The following ELOVL2 variants were observed in gnomAD, a reference collection of about 807,000 sequenced individuals.
The protein encoded by ELOVL2 is very long chain fatty acid elongase 2.
In ELOVL2, 38 loss-of-function variants were observed where a neutral mutation model predicts 37.7. The ratio of observed to expected loss-of-function variants is 1.01; its 90% CI spans 0.78 to 1.32. The LOEUF is 1.32. Among genes scored for constraint, ELOVL2 ranks in the 40% most tolerant of loss-of-function variants. The probability of loss-of-function intolerance (pLI) is 0.00; values close to 1 mark genes in which losing one functional copy is unlikely to be tolerated. For missense variants in ELOVL2, 352 were observed against 363.6 expected (o/e 0.97, Z 0.26); for synonymous variants, 115 against 122.3 (o/e 0.94, Z 0.40).
intron 1 of ELOVL2, among the ~76,000 whole-genome samples, chr6:11,018,424 A>G (rs1437227597): frequency 6.6e-6 from 1 of 152,194 alleles, no homozygotes; most frequent in Admixed American, 6.5e-5. Flanking sequence ...TTTCTTTACC[A>G]AACTATTGCA....
At chr6:11,011,833 CAG>C (rs1190451471) in intron 1 of ELOVL2, among the ~76,000 whole-genome samples, 11 of 152,134 alleles carry the variant, frequency 7.2e-5, no homozygotes. Context: ...AGCTCCGCCA[CAG>C]AGGTCTACAG....
At chr6:11,027,781 G>T (rs1475302071) in intron 1 of ELOVL2, among the ~76,000 whole-genome samples, 3 of 151,990 alleles carry the variant, frequency 2.0e-5, no homozygotes, top group Admixed American at 6.6e-5. Flanking sequence ...TTACTATGTG[G>T]ACTGACCTTT....
chr6:10,994,880 CGGCAA>C lies in ELOVL2; in HGVS notation c.505+122_505+126del, dbSNP rs1223078712. 3 of 709,710 alleles carry C rather than the reference CGGCAA, an allele frequency of 4.2e-6. No homozygotes were observed. In the African/African-American group the frequency reaches 5.5e-5, roughly 13 times the overall value. 44.0% of individuals were successfully genotyped at this position (709,710 alleles called of 1,614,324 possible). A position where few individuals can be genotyped will look rare whatever the true frequency, so the allele number is the denominator to read the frequency against. On this transcript the variant is annotated intron_variant, in intron 5 of 7. Transcript: ENST00000354666. ...CCTGGCAGACACGGGCATCCTGCTG[CGGCAA>C]GGCCGGCGCTCTAGGCCTCCCTTCA...
At chr6:11,001,930 T>C (rs1353113364) in intron 3 of ELOVL2, among the ~76,000 whole-genome samples, 8 of 152,226 alleles carry the variant, frequency 5.3e-5, no homozygotes, top group Non-Finnish European at 4.4e-5. Flanking sequence ...TTCACCACCT[T>C]AATCCAAGAT....
intron 2 of ELOVL2, among the ~76,000 whole-genome samples, chr6:11,007,843 G>A (rs1036986636): frequency 6.6e-6 from 1 of 152,172 alleles, no homozygotes; most frequent in Non-Finnish European, 1.5e-5. Context: ...TTGGCACATT[G>A]AGTCAAGCAC....
At chr6:11,006,910 T>G (rs1481432965) in intron 2 of ELOVL2, among the ~76,000 whole-genome samples, 2 of 152,234 alleles carry the variant, frequency 1.3e-5, no homozygotes, top group Non-Finnish European at 2.9e-5. Flanking sequence ...GGGAGACATT[T>G]CCTACTGTGT....
chr6:10,997,040 AT>A (rs1231100476), intron 4 of ELOVL2, among the ~76,000 whole-genome samples: 1 of 148,804 alleles, frequency 6.7e-6, no homozygotes, highest in Non-Finnish European at 1.5e-5. Flanking sequence ...ATATTAAAAG[AT>A]TTTAGTTAAA....
At chr6:11,026,656 TCATTTGTCTTTTTC>T (rs1782842068) in intron 1 of ELOVL2, among the ~76,000 whole-genome samples, 1 of 152,160 alleles carries the variant, frequency 6.6e-6, no homozygotes, top group African/African-American at 2.4e-5. Flanking sequence ...AGCACTTTTG[TCATTTGTCTTTTTC>T]CATTTGTCTT....
At chr6:11,024,399 T>C (rs16870896) in intron 1 of ELOVL2, among the ~76,000 whole-genome samples, 13,130 of 152,234 alleles carry the variant, frequency 0.086, 1,705 homozygotes, top group African/African-American at 0.28. Context: ...CAATGGCCAA[T>C]AGTACCTTAT....
chr6:10,990,487 T>A (rs1453975519), intron 5 of ELOVL2, 45 bp from the exon 6 acceptor site: 2 of 1,521,310 alleles, frequency 1.3e-6, no homozygotes, highest in Middle Eastern at 1.7e-4. Context: ...CAGGAAGGAC[T>A]GTTCATTCTT....
At chr6:11,035,876 C>A (rs1351674771) in intron 1 of ELOVL2, among the ~76,000 whole-genome samples, 1 of 152,156 alleles carries the variant, frequency 6.6e-6, no homozygotes, top group Non-Finnish European at 1.5e-5. Context: ...TTACACACTG[C>A]CTCTAATTGA....
At chr6:11,027,118 T>C (rs1782851340) in intron 1 of ELOVL2, among the ~76,000 whole-genome samples, 1 of 152,222 alleles carries the variant, frequency 6.6e-6, no homozygotes, top group African/African-American at 2.4e-5. Context: ...AATAATATTT[T>C]AAAAGTTTTG....
chr6:10,995,232 G>A, intron 4 of ELOVL2, 54 bp from the exon 5 acceptor site: 1 of 1,348,850 alleles, frequency 7.4e-7, no homozygotes, highest in Non-Finnish European at 1.0e-6. Context: ...TGTTCCTGGT[G>A]CTGCCCCACT....
intron 1 of ELOVL2, among the ~76,000 whole-genome samples, chr6:11,027,212 T>C (rs764297160): frequency 1.3e-5 from 2 of 152,308 alleles, no homozygotes. Context: ...TCAACATCGA[T>C]TTTTACTATA....
chr6:11,030,970 T>C (rs1356231889), intron 1 of ELOVL2, among the ~76,000 whole-genome samples: 1 of 152,240 alleles, frequency 6.6e-6, no homozygotes, highest in Non-Finnish European at 1.5e-5. Context: ...TGGTTTTATA[T>C]ATTTACATGC....
rs1783170653 is a variant in ELOVL2, at chr6:11,044,237, C to CAG, written c.-9_-8dup. On this transcript the variant is annotated 5_prime_UTR_variant, in exon 1 of 8. Transcript: ENST00000354666. This position sits in a 1 kb window ranked among gnomAD's most constrained non-coding sequence, Gnocchi z 5.6. ...GCGCGGCCCCACTCACCATGATCCG[C>CAG]AGCGGCTGTGGCGCGGCGACCCGGG... 8 of 1,377,408 alleles carry CAG rather than the reference C, an allele frequency of 5.8e-6. No homozygotes were observed. The highest frequency in any genetic ancestry group is 3.2e-5 in the Admixed American group (1 of 31,138). The allele number at this position is 1,377,408 out of a possible 1,614,324, so 85.3% of individuals were successfully genotyped here.
At chr6:11,041,876 GACTA>G (rs1158346147) in intron 1 of ELOVL2, among the ~76,000 whole-genome samples, 4 of 152,064 alleles carry the variant, frequency 2.6e-5, no homozygotes, top group African/African-American at 9.7e-5. Context: ...GGAATAATAA[GACTA>G]ACTAGCAGAG....
chr6:11,028,205 C>A (rs1782866580), intron 1 of ELOVL2, among the ~76,000 whole-genome samples: 1 of 152,150 alleles, frequency 6.6e-6, no homozygotes, highest in African/African-American at 2.4e-5. Context: ...ATGTCTTTTC[C>A]TCTTTGGAGA....
chr6:10,994,340 CGCCTGTAATCCCA>C (rs1276115501), intron 5 of ELOVL2, among the ~76,000 whole-genome samples: 1 of 151,200 alleles, frequency 6.6e-6, no homozygotes, highest in Non-Finnish European at 1.5e-5. Flanking sequence ...TGGTGGTGGG[CGCCTGTAATCCCA>C]GCTACTCAGG....
Sources: allele counts gnomAD v4.1 joint callset (sites outside exome capture counted in the v4.1 genomes callset), GRCh38; gene constraint gnomAD v4.1.1; non-coding constraint Gnocchi (gnomAD v3.1); transcripts MANE v1.5; gene names NCBI Gene and HGNC (gene_info 2026-07-23, HGNC 2026-07-21).